The following NSMCE2 variants were observed in gnomAD, a reference collection of about 807,000 sequenced individuals.
NSMCE2 encodes the protein E3 SUMO-protein ligase NSE2.
A neutral mutation model predicts 23.8 loss-of-function variants in NSMCE2; 24 were observed. The ratio of observed to expected loss-of-function variants is 1.01; its 90% CI spans 0.73 to 1.42. NSMCE2 has a LOEUF of 1.42. NSMCE2 is among the 40% of genes most tolerant of loss of function. The pLI is 0.00. For synonymous variants in NSMCE2, 92 were observed against 94.1 expected (o/e 0.98, Z 0.13); for missense variants, 284 against 296.5 (o/e 0.96, Z 0.31).
chr8:125,213,167 C>A (rs979043872), intron 5 of NSMCE2, among the ~76,000 whole-genome samples: 7 of 152,042 alleles, frequency 4.6e-5, no homozygotes, highest in African/African-American at 1.7e-4. Context: ...CATTTGTACC[C>A]TTTTTTCTTT....
intron 5 of NSMCE2, among the ~76,000 whole-genome samples, chr8:125,300,214 G>A (rs1828506663): frequency 6.6e-6 from 1 of 151,522 alleles, no homozygotes; most frequent in South Asian, 2.1e-4. Flanking sequence ...GGTCGCCCAG[G>A]CTAGAGTGCA....
At chr8:125,150,426 CTTT>C (rs71295819) in intron 3 of NSMCE2, among the ~76,000 whole-genome samples, 1,379 of 61,620 alleles carry the variant, frequency 0.022, 12 homozygotes, top group African/African-American at 0.099. Flanking sequence ...TTCTTTCTTT[CTTT>C]TTTTTTTTTT....
chr8:125,304,991 G>C (rs569128671), intron 5 of NSMCE2, among the ~76,000 whole-genome samples: 2 of 150,984 alleles, frequency 1.3e-5, no homozygotes, highest in South Asian at 2.1e-4. Context: ...AAGAGGGAGG[G>C]AGGGAAGGAA....
chr8:125,271,783 T>C (rs557599976), intron 5 of NSMCE2, among the ~76,000 whole-genome samples: 2 of 152,332 alleles, frequency 1.3e-5, no homozygotes, highest in South Asian at 4.1e-4. Flanking sequence ...TTAATGACTC[T>C]GTAATCATGT....
At chr8:125,356,059 C>T (rs1813261052) in intron 5 of NSMCE2, among the ~76,000 whole-genome samples, 1 of 152,176 alleles carries the variant, frequency 6.6e-6, no homozygotes, top group African/African-American at 2.4e-5. Flanking sequence ...GCCTGTTTCA[C>T]TCTCATTCTT....
At chr8:125,203,951 A>G (rs558329187) in intron 5 of NSMCE2, among the ~76,000 whole-genome samples, 16 of 152,312 alleles carry the variant, frequency 1.1e-4, no homozygotes, top group African/African-American at 3.6e-4. Flanking sequence ...TTACTTTCCT[A>G]TGGGATTCCC....
intron 4 of NSMCE2, among the ~76,000 whole-genome samples, chr8:125,157,107 T>C (rs1821362172): frequency 6.6e-6 from 1 of 152,154 alleles, no homozygotes; most frequent in African/African-American, 2.4e-5. Context: ...TATTAGGCAT[T>C]GTGAATCATT....
At position 125,194,762 on chromosome 8, in the gene NSMCE2, A is replaced by C. The variant is rs1823530262; in HGVS notation, c.418+12506A>C. On this transcript the variant is annotated intron_variant, in intron 5 of 7. Coordinates refer to ENST00000287437, the MANE Select transcript of NSMCE2 (RefSeq NM_173685.4). ...ACTGTTTTTCAATGTGCAGTCTATG[A>C]GAATTGCACCCTCACCAGCACTTGG... Among the ~76,000 whole-genome samples the C allele has an allele frequency of 2.0e-5, 3 of 152,236 alleles. No homozygotes were observed. The South Asian group carries it at 6.2e-4, about 31-fold the overall frequency.
intron 3 of NSMCE2, among the ~76,000 whole-genome samples, chr8:125,143,738 A>G (rs1261303327): frequency 6.6e-6 from 1 of 152,254 alleles, no homozygotes; most frequent in Non-Finnish European, 1.5e-5. Context: ...GGCCGTGGGC[A>G]AAACTATACA....
chr8:125,146,033 A>T (rs114076341), intron 3 of NSMCE2, among the ~76,000 whole-genome samples: 1 of 152,220 alleles, frequency 6.6e-6, no homozygotes. Context: ...TCTTTTTGTT[A>T]TCAGATTTCT....
chr8:125,156,163 A>G (rs1385151968), intron 4 of NSMCE2: 1 of 217,866 alleles, frequency 4.6e-6, no homozygotes, highest in Non-Finnish European at 9.4e-6. Context: ...AGAGTTTAGC[A>G]AAAGTAACTA....
chr8:125,250,097 C>G (rs1291345953), intron 5 of NSMCE2, among the ~76,000 whole-genome samples: 3 of 152,164 alleles, frequency 2.0e-5, no homozygotes, highest in Non-Finnish European at 4.4e-5. Flanking sequence ...TCAAGCGATT[C>G]TCCTGCCTCA....
At chr8:125,155,934 C>T (rs943299000) in intron 4 of NSMCE2, 5 of 446,120 alleles carry the variant, frequency 1.1e-5, no homozygotes, top group Non-Finnish European at 2.2e-5. Flanking sequence ...TGAGAATGAC[C>T]CAACAAGTTC....
At chr8:125,110,839 C>G (rs1183563892) in intron 3 of NSMCE2, among the ~76,000 whole-genome samples, 2 of 124,802 alleles carry the variant, frequency 1.6e-5, no homozygotes, top group Non-Finnish European at 3.1e-5. Context: ...AGGTTGCATG[C>G]TTTTTCTGAA....
At chr8:125,226,505 G>A (rs1231223917) in intron 5 of NSMCE2, among the ~76,000 whole-genome samples, 1 of 152,174 alleles carries the variant, frequency 6.6e-6, no homozygotes, top group African/African-American at 2.4e-5. Flanking sequence ...CTGCAGCCGG[G>A]ATCAGTCAAG....
chr8:125,357,038 A>T (rs1813310379), intron 5 of NSMCE2, among the ~76,000 whole-genome samples, 181 bp from the exon 6 acceptor site: 1 of 152,194 alleles, frequency 6.6e-6, no homozygotes, highest in South Asian at 2.1e-4. Context: ...TATCAAAAAT[A>T]GTCAGAATGA....
intron 5 of NSMCE2, among the ~76,000 whole-genome samples, chr8:125,232,641 A>G (rs937986881): frequency 4.6e-5 from 7 of 152,150 alleles, no homozygotes; most frequent in Non-Finnish European, 4.4e-5. Context: ...GCCCAGTAGA[A>G]TGTTCTGCGT....
intron 5 of NSMCE2, among the ~76,000 whole-genome samples, chr8:125,320,656 T>TA (rs1563783056): frequency 6.6e-6 from 1 of 152,028 alleles, no homozygotes; most frequent in Non-Finnish European, 1.5e-5. Flanking sequence ...ATATATTTTT[T>TA]AAAAAAAGGT....
intron 5 of NSMCE2, among the ~76,000 whole-genome samples, chr8:125,293,119 T>C (rs1177465445): frequency 6.6e-6 from 1 of 152,196 alleles, no homozygotes; most frequent in East Asian, 1.9e-4. Flanking sequence ...TATACAACAA[T>C]AATAGCTTAC....
Sources: allele counts gnomAD v4.1 joint callset (sites outside exome capture counted in the v4.1 genomes callset), GRCh38; gene constraint gnomAD v4.1.1; transcripts MANE v1.5; gene names NCBI Gene and HGNC (gene_info 2026-07-23, HGNC 2026-07-21).